Variants in AACS observed in about 807,000 individuals in gnomAD.
The protein encoded by AACS is acetoacetyl-CoA synthetase.
Under a neutral mutation model 83.1 loss-of-function variants are expected in AACS, and 69 were observed. That is an observed-to-expected ratio of 0.83 (90% CI 0.68 to 1.01). The LOEUF is 1.01. Ranked by LOEUF, AACS falls within the 50% of genes least tolerant of loss-of-function variation. The pLI, the probability that AACS is intolerant of heterozygous loss-of-function variation, is 0.00. For synonymous variants in AACS, 333 were observed against 343.4 expected (o/e 0.97, Z 0.33); for missense variants, 866 against 882.2 (o/e 0.98, Z 0.23).
rs1008585865 is a variant in AACS at position 125,094,587 on chromosome 12, G to A, written c.570+3064G>A. Among the ~76,000 whole-genome samples, 1 of 152,152 alleles carries A rather than the reference G, an allele frequency of 6.6e-6. No individual in the cohort carries two copies. The highest frequency in any genetic ancestry group is 2.4e-5 in the African/African-American group (1 of 41,418). On this transcript the variant is annotated intron_variant, in intron 5 of 17. Transcript: ENST00000316519. This position sits in a 1 kb window ranked among gnomAD's most constrained non-coding sequence, Gnocchi z 4.1. ...GCTGGGGCATCCGTCTTTACTCGAT[G>A]ACACTGGGGGAACGCGTTTCTGGCC...
At chr12:125,076,469 G>C in intron 2 of AACS, 22 bp from the exon 3 acceptor site, 2 of 1,612,500 alleles carry the variant, frequency 1.2e-6, no homozygotes, top group Non-Finnish European at 8.5e-7. Context: ...TGTGCGTCTT[G>C]GTTTGTTGTC....
intron 5 of AACS, among the ~76,000 whole-genome samples, chr12:125,098,452 C>T (rs1183015757): frequency 1.3e-5 from 2 of 150,988 alleles, no homozygotes; most frequent in African/African-American, 2.4e-5. Flanking sequence ...TTTCTCATTA[C>T]CTTTTTTTTT....
At chr12:125,115,211 G>C (rs1278337857) in intron 9 of AACS, among the ~76,000 whole-genome samples, 2 of 151,940 alleles carry the variant, frequency 1.3e-5, no homozygotes, top group African/African-American at 4.8e-5. Flanking sequence ...AACATCAAGA[G>C]CTTCCACAGT....
At chr12:125,076,387 GGAA>G in intron 2 of AACS, 101 bp from the exon 3 acceptor site, 4 of 1,502,494 alleles carry the variant, frequency 2.7e-6, no homozygotes, top group Non-Finnish European at 3.6e-6. Flanking sequence ...TGGCTTCCTG[GGAA>G]GAAGAACCAC....
At chr12:125,106,545 G>C (rs1956837603) in intron 7 of AACS, among the ~76,000 whole-genome samples, 1 of 152,146 alleles carries the variant, frequency 6.6e-6, no homozygotes, top group Non-Finnish European at 1.5e-5. Context: ...CTCTGTCATT[G>C]AGCTGTAGTT....
chr12:125,072,233 C>T (rs1490469367), intron 1 of AACS, among the ~76,000 whole-genome samples: 1 of 151,318 alleles, frequency 6.6e-6, no homozygotes, highest in African/African-American at 2.4e-5. Flanking sequence ...TCATAGCTCA[C>T]TGCAGACTTG....
At chr12:125,071,804 G>C (rs1002477103) in intron 1 of AACS, among the ~76,000 whole-genome samples, 1 of 152,158 alleles carries the variant, frequency 6.6e-6, no homozygotes, top group African/African-American at 2.4e-5. Context: ...CATGGGGCTG[G>C]CCGCGTCTGC....
At chr12:125,134,904 T>A (rs773911263) in intron 16 of AACS, 52 bp downstream of exon 16, 7 of 1,608,394 alleles carry the variant, frequency 4.4e-6, no homozygotes, top group Non-Finnish European at 6.0e-6. Context: ...AGGAGGAGGG[T>A]CCTGGCGGGA....
At chr12:125,085,493 C>T (rs1028349444) in intron 3 of AACS, among the ~76,000 whole-genome samples, 23 of 151,814 alleles carry the variant, frequency 1.5e-4, no homozygotes, top group African/African-American at 5.1e-4. Flanking sequence ...CACACATGCA[C>T]GTTGCATCCA....
rs1336895737 is a variant in AACS, at chr12:125,094,787, A to G, written c.570+3264A>G. Among the ~76,000 whole-genome samples the G allele has an allele frequency of 2.0e-5, 3 of 152,062 alleles. No homozygotes were observed. The highest frequency in any genetic ancestry group is 7.2e-5 in the African/African-American group (3 of 41,386). On this transcript the variant is annotated intron_variant, in intron 5 of 17. Transcript: ENST00000316519. This position sits in a 1 kb window ranked among gnomAD's most constrained non-coding sequence, Gnocchi z 4.1. Reference sequence around the variant, plus strand: ...AAGTGCTCTGTTCTAAGGGTTCCCAACCTTTCCAGCCCCAGCAAGATCTCT... The same window carrying G: ...AAGTGCTCTGTTCTAAGGGTTCCCAGCCTTTCCAGCCCCAGCAAGATCTCT...
In AACS at chr12:125,142,119, G is replaced by A; in HGVS notation, c.1909G>A (p.Val637Ile). 6.2e-7 allele frequency: 1 copy of A among 1,614,086 alleles called. No homozygotes were observed. Among genetic ancestry groups the A allele is most frequent in the Non-Finnish European group, 8.5e-7 (1 of 1,180,028 alleles). ...PYTLNGKKVE[V>I]AVKQIIAGKA... ...TACGCTCAACGGCAAGAAAGTGGAA[G>A]TTGCCGTCAAACAGATCATCGCTGG... Residue 637 changes from valine to isoleucine, a missense_variant, in exon 18 of 18, where the codon GTT (valine) becomes ATT (isoleucine). Transcript: ENST00000316519.
rs777709148 is a variant in AACS at position 125,091,464 on chromosome 12, C to A, written c.511C>A (p.Leu171Met). The A allele has an allele frequency of 3.1e-6, 5 of 1,614,122 alleles. No individual in the cohort carries two copies. Among genetic ancestry groups the A allele is most frequent in the Non-Finnish European group, 4.2e-6 (5 of 1,180,058 alleles). ...CAGTGAGCACGCTGTCGAGGCGATG[C>A]TGGCTGCGGCAAGCATTGGTGCCAT... ...PNSEHAVEAMLAAASIGAIWS... is the reference protein window; with the variant it reads ...PNSEHAVEAMMAAASIGAIWS... Residue 171 changes from leucine to methionine, a missense_variant, in exon 5 of 18, where the codon CTG becomes ATG. Leu to Met is a conservative substitution (Grantham distance 15). Transcript: ENST00000316519.
At chr12:125,128,098 C>A (rs1957273905) in intron 12 of AACS, 63 bp from the exon 13 acceptor site, 1 of 1,290,824 alleles carries the variant, frequency 7.7e-7, no homozygotes, top group Non-Finnish European at 1.1e-6. Context: ...TTGTTGCTCA[C>A]TAATTTAACA....
chr12:125,111,249 G>A (rs922159965), intron 8 of AACS, among the ~76,000 whole-genome samples: 2 of 148,280 alleles, frequency 1.3e-5, no homozygotes, highest in African/African-American at 2.5e-5. Context: ...GCACCTGGGT[G>A]CAGGTCTGTG....
rs116139171 is a variant in AACS, at chr12:125,074,651, A to G, written c.237+672A>G. 8.8e-3 allele frequency among the ~76,000 whole-genome samples: 1,272 copies of G among 145,196 alleles called. 24 individuals carry two copies. Among genetic ancestry groups the G allele is most frequent in the African/African-American group, 0.031 (1,190 of 38,700 alleles). On this transcript the variant is annotated intron_variant, in intron 2 of 17. Coordinates refer to ENST00000316519, the MANE Select transcript of AACS (RefSeq NM_023928.5). ...CTTCAGTGATGTTAAGTACATTTACATTGTTGTAGTTTTTTTTTTTTTTTT... is the reference window on the plus strand; with the variant it reads ...CTTCAGTGATGTTAAGTACATTTACGTTGTTGTAGTTTTTTTTTTTTTTTT...
At chr12:125,090,657 C>T (rs1442719668) in intron 4 of AACS, among the ~76,000 whole-genome samples, 1 of 151,426 alleles carries the variant, frequency 6.6e-6, no homozygotes, top group Admixed American at 6.6e-5. Context: ...ATCCATTTAT[C>T]TATCCTCCAT....
At chr12:125,070,838 G>A (rs555547852) in intron 1 of AACS, among the ~76,000 whole-genome samples, 3 of 152,314 alleles carry the variant, frequency 2.0e-5, no homozygotes, top group South Asian at 2.1e-4. Flanking sequence ...GTAGTCTGCC[G>A]TCTGGTTAGT....
chr12:125,111,933 A>G (rs1956961911), intron 8 of AACS, among the ~76,000 whole-genome samples: 1 of 152,240 alleles, frequency 6.6e-6, no homozygotes, highest in Admixed American at 6.5e-5. Flanking sequence ...GTTTTGTGCC[A>G]TCTGAGAGAA....
intron 1 of AACS, among the ~76,000 whole-genome samples, chr12:125,070,663 GCTCT>G (rs1210676411): frequency 1.3e-5 from 2 of 152,188 alleles, no homozygotes; most frequent in African/African-American, 2.4e-5. Flanking sequence ...TATTCAGTGA[GCTCT>G]CTCTGTATGT....
Sources: allele counts gnomAD v4.1 joint callset (sites outside exome capture counted in the v4.1 genomes callset), GRCh38; gene constraint gnomAD v4.1.1; non-coding constraint Gnocchi (gnomAD v3.1); transcripts MANE v1.5; gene names NCBI Gene and HGNC (gene_info 2026-07-23, HGNC 2026-07-21).